The following PRKCE variants were observed in gnomAD, a reference collection of about 807,000 sequenced individuals.
PRKCE encodes protein kinase C epsilon, also known as protein kinase C epsilon type.
Under a neutral mutation model 85.4 loss-of-function variants are expected in PRKCE, and 16 were observed. The observed-to-expected ratio is 0.19, with a 90% CI of 0.13 to 0.28. The LOEUF (loss-of-function observed/expected upper bound fraction) is 0.28, where lower values mean the gene tolerates loss of function less well. Among genes scored for constraint, PRKCE ranks in the 10% least tolerant of loss-of-function variants. The pLI, the probability that PRKCE is intolerant of heterozygous loss-of-function variation, is 1.00. For missense variants in PRKCE, 573 were observed against 975.2 expected (o/e 0.59, Z 5.49); for synonymous variants, 388 against 371.5 (o/e 1.04, Z -0.51).
At chr2:45,994,190 C>G (rs1336268416) in intron 6 of PRKCE, among the ~76,000 whole-genome samples, 2 of 152,088 alleles carry the variant, frequency 1.3e-5, no homozygotes, top group Non-Finnish European at 2.9e-5. Context: ...AAAGATTTTC[C>G]ACAAACCTTC....
intron 3 of PRKCE, chr2:45,978,496 C>G (rs893165387): frequency 2.0e-5 from 3 of 153,818 alleles, no homozygotes; most frequent in Non-Finnish European, 4.3e-5. Flanking sequence ...GTTCGGGGCA[C>G]AGACTGGCTT....
intron 1 of PRKCE, among the ~76,000 whole-genome samples, chr2:45,682,380 G>C (rs1424957536): frequency 6.6e-6 from 1 of 152,052 alleles, no homozygotes; most frequent in African/African-American, 2.4e-5. Context: ...TGGTGGTAAG[G>C]GGGTAGTTTG....
chr2:45,912,044 C>A (rs1697417647), intron 2 of PRKCE, among the ~76,000 whole-genome samples: 3 of 152,034 alleles, frequency 2.0e-5, no homozygotes, highest in African/African-American at 7.2e-5. Flanking sequence ...GTTTCCCACG[C>A]ATTCTGGTAG....
At chr2:45,659,122 G>C (rs588206) in intron 1 of PRKCE, among the ~76,000 whole-genome samples, 45,070 of 151,874 alleles carry the variant, frequency 0.3, 7,024 homozygotes, top group African/African-American at 0.38. Flanking sequence ...TTATATATGG[G>C]ATTGCCTTCA....
At chr2:45,681,450 T>C (rs1230205788) in intron 1 of PRKCE, among the ~76,000 whole-genome samples, 1 of 152,162 alleles carries the variant, frequency 6.6e-6, no homozygotes, top group Non-Finnish European at 1.5e-5. Flanking sequence ...GGTCCCATTA[T>C]ATCTATTTGT....
At chr2:46,148,725 C>G (rs1254978344) in intron 12 of PRKCE, among the ~76,000 whole-genome samples, 2 of 152,196 alleles carry the variant, frequency 1.3e-5, no homozygotes, top group African/African-American at 2.4e-5. Flanking sequence ...CTTATAGTTG[C>G]ACTGGGGAGA....
intron 6 of PRKCE, among the ~76,000 whole-genome samples, chr2:45,998,839 T>C (rs968204643): frequency 2.6e-5 from 4 of 152,230 alleles, no homozygotes; most frequent in African/African-American, 9.6e-5. Context: ...TCATTTATAC[T>C]TTCTTTTTTA....
chr2:46,147,332 A>T (rs1184293496), intron 12 of PRKCE, among the ~76,000 whole-genome samples: 2 of 152,162 alleles, frequency 1.3e-5, no homozygotes, highest in Non-Finnish European at 2.9e-5. Flanking sequence ...TGATGCCATC[A>T]TTCATTCTTC....
chr2:45,995,390 A>G (rs1342849893), intron 6 of PRKCE, among the ~76,000 whole-genome samples: 1 of 152,122 alleles, frequency 6.6e-6, no homozygotes, highest in Non-Finnish European at 1.5e-5. Context: ...GATCATGTCC[A>G]TGCATCATGG....
chr2:46,108,118 G>A (rs1264986640), intron 11 of PRKCE, among the ~76,000 whole-genome samples: 2 of 152,140 alleles, frequency 1.3e-5, no homozygotes, highest in African/African-American at 4.8e-5. Flanking sequence ...TTTTGAGACA[G>A]GGTGTCGCTC....
chr2:46,165,913 C>T (rs1678293548), intron 14 of PRKCE, among the ~76,000 whole-genome samples: 2 of 152,340 alleles, frequency 1.3e-5, no homozygotes, highest in Middle Eastern at 3.4e-3. Flanking sequence ...GTAAACTTCT[C>T]TTTGTGTACA....
Position 45,793,077 on chromosome 2 carries a change from G to A in PRKCE, c.349-49923G>A, listed in dbSNP as rs1687157339. Among the ~76,000 whole-genome samples the A allele has an allele frequency of 2.0e-5, 3 of 152,238 alleles. No homozygotes were observed. The South Asian group carries it at 6.2e-4, about 32-fold the overall frequency. On this transcript the variant is annotated intron_variant, in intron 1 of 14. Coordinates refer to ENST00000306156, the MANE Select transcript of PRKCE (RefSeq NM_005400.3). ...GCCTCCCAAAGAGCTGGGATTACAG[G>A]CGTGAGCCACCCTACCCAGCCTAAT...
chr2:46,059,394 A>G (rs1666900897), intron 10 of PRKCE, among the ~76,000 whole-genome samples: 1 of 152,166 alleles, frequency 6.6e-6, no homozygotes, highest in Non-Finnish European at 1.5e-5. Flanking sequence ...CAATCACTAC[A>G]TACAGTGGCC....
At chr2:45,882,825 C>A (rs1694980886) in intron 2 of PRKCE, among the ~76,000 whole-genome samples, 1 of 152,254 alleles carries the variant, frequency 6.6e-6, no homozygotes, top group African/African-American at 2.4e-5. Flanking sequence ...TCCGAGTCTG[C>A]CGATTCCAGG....
intron 6 of PRKCE, among the ~76,000 whole-genome samples, chr2:45,998,603 C>G (rs968213122): frequency 3.3e-5 from 5 of 152,062 alleles, no homozygotes; most frequent in Non-Finnish European, 2.9e-5. Context: ...TTTTGATCCA[C>G]TCTAACAATC....
intron 1 of PRKCE, among the ~76,000 whole-genome samples, chr2:45,689,607 A>G (rs147121926): frequency 6.1e-4 from 93 of 151,918 alleles, no homozygotes; most frequent in African/African-American, 2.1e-3. Context: ...GAAAAAGTAA[A>G]TGCTTAAAAG....
At chr2:45,763,642 C>A (rs1157217608) in intron 1 of PRKCE, among the ~76,000 whole-genome samples, 1 of 152,036 alleles carries the variant, frequency 6.6e-6, no homozygotes, top group Non-Finnish European at 1.5e-5. Flanking sequence ...TTGGTATAAC[C>A]CGCCATGCTG....
chr2:45,872,991 A>C (rs1408381594), intron 2 of PRKCE, among the ~76,000 whole-genome samples: 1 of 152,200 alleles, frequency 6.6e-6, no homozygotes, highest in African/African-American at 2.4e-5. Context: ...GCATCTTCTG[A>C]AGGGGAAAGT....
At chr2:46,101,612 G>C (rs912059143) in intron 11 of PRKCE, among the ~76,000 whole-genome samples, 1 of 152,188 alleles carries the variant, frequency 6.6e-6, no homozygotes, top group African/African-American at 2.4e-5. Context: ...AGTGCACGGT[G>C]ACATGACCTC....
Sources: allele counts gnomAD v4.1 joint callset (sites outside exome capture counted in the v4.1 genomes callset), GRCh38; gene constraint gnomAD v4.1.1; transcripts MANE v1.5; gene names NCBI Gene and HGNC (gene_info 2026-07-23, HGNC 2026-07-21).